The following UGT1A7 variants were observed in gnomAD, a reference collection of about 807,000 sequenced individuals.
The protein encoded by UGT1A7 is UDP glucuronosyltransferase family 1 member A7, also known as UDP-glucuronosyltransferase 1A7.
A neutral mutation model predicts 45.6 loss-of-function variants in UGT1A7; 33 were observed. That is an observed-to-expected ratio of 0.72 (90% CI 0.55 to 0.97). The LOEUF is 0.97. UGT1A7 is among the 50% of genes least tolerant of loss of function. The pLI is 0.00. For synonymous variants in UGT1A7, 274 were observed against 250.6 expected (o/e 1.09, Z -0.88); for missense variants, 684 against 666.2 (o/e 1.03, Z -0.29).
chr2:233,713,287 C>G (rs28946880), intron 1 of UGT1A7: 2 of 1,614,230 alleles, frequency 1.2e-6, no homozygotes, highest in Non-Finnish European at 1.7e-6. Flanking sequence ...CACACTCAAT[C>G]GTTCTTTGAA....
intron 1 of UGT1A7, among the ~76,000 whole-genome samples, chr2:233,699,961 C>T (rs767671450): frequency 6.6e-6 from 1 of 152,132 alleles, no homozygotes; most frequent in Non-Finnish European, 1.5e-5. Flanking sequence ...GTGAAAAATA[C>T]CCGTCCCCCA....
chr2:233,713,651 G>A (rs1051554487), intron 1 of UGT1A7: 2 of 1,613,832 alleles, frequency 1.2e-6, no homozygotes, highest in African/African-American at 1.3e-5. Flanking sequence ...CTCTGGCCCT[G>A]TCCTACCTTT....
In UGT1A7 at chr2:233,747,891, C is replaced by T. The variant is rs562741642; in HGVS notation, c.856-19143C>T. 6 of 1,613,060 alleles carry T rather than the reference C, an allele frequency of 3.7e-6. No homozygotes were observed. In the Admixed American group the frequency reaches 5.0e-5, roughly 13 times the overall value. On this transcript the variant is annotated intron_variant, in intron 1 of 4. Coordinates refer to ENST00000373426, the MANE Select transcript of UGT1A7 (RefSeq NM_019077.3). ...GGCCCTGTCCTACCTTTGCCATGCT[C>T]TTTCTGCTCCTTATGCAAGCCTTGC...
chr2:233,755,300 G>C (rs149465290), intron 1 of UGT1A7: 2 of 608,528 alleles, frequency 3.3e-6, no homozygotes, highest in African/African-American at 3.8e-5. Flanking sequence ...GCGGGGCACT[G>C]GCACAGCGAG....
chr2:233,719,175 A>C, intron 1 of UGT1A7: 7 of 1,614,246 alleles, frequency 4.3e-6, no homozygotes, highest in Non-Finnish European at 5.1e-6. Flanking sequence ...AATTATGAAC[A>C]ATGTATCTTT....
At chr2:233,742,758 T>A (rs1302155264) in intron 1 of UGT1A7, 3 of 153,094 alleles carry the variant, frequency 2.0e-5, no homozygotes, top group African/African-American at 7.3e-5. Context: ...AATATTAAGA[T>A]AATAAATGCA....
chr2:233,752,072 T>C (rs1694888603), intron 1 of UGT1A7, among the ~76,000 whole-genome samples: 1 of 152,194 alleles, frequency 6.6e-6, no homozygotes, highest in Non-Finnish European at 1.5e-5. Flanking sequence ...GATGGGGAAG[T>C]CTCTCTACCT....
chr2:233,757,111 A>C (rs13404099), intron 1 of UGT1A7, among the ~76,000 whole-genome samples: 1 of 151,320 alleles, frequency 6.6e-6, no homozygotes, highest in East Asian at 2.0e-4. Context: ...GGCAAGCAGA[A>C]GGGCTAGAGA....
At chr2:233,720,018 G>C (rs2076822730) in intron 1 of UGT1A7, among the ~76,000 whole-genome samples, 1 of 152,130 alleles carries the variant, frequency 6.6e-6, no homozygotes, top group Middle Eastern at 3.2e-3. Flanking sequence ...ATCCATCCTG[G>C]GGTTTTTGCT....
intron 1 of UGT1A7, among the ~76,000 whole-genome samples, chr2:233,746,718 T>C (rs1161016418): frequency 6.6e-6 from 1 of 151,822 alleles, no homozygotes; most frequent in Non-Finnish European, 1.5e-5. Flanking sequence ...ATAAGGGAAT[T>C]AGCAATGGAT....
chr2:233,755,062 C>G, intron 1 of UGT1A7: 1 of 1,335,450 alleles, frequency 7.5e-7, no homozygotes, highest in Middle Eastern at 2.1e-4. Flanking sequence ...GCCCTCGCCT[C>G]GCCATAGCGG....
At chr2:233,707,801 C>T (rs2075988257) in intron 1 of UGT1A7, among the ~76,000 whole-genome samples, 1 of 152,112 alleles carries the variant, frequency 6.6e-6, no homozygotes, top group African/African-American at 2.4e-5. Context: ...GGAGCTGCTG[C>T]GTTGGAGGGC....
At chr2:233,717,787 T>C (rs749121467) in intron 1 of UGT1A7, 7 of 456,322 alleles carry the variant, frequency 1.5e-5, no homozygotes, top group Admixed American at 2.3e-5. Context: ...ATTTTGAAAT[T>C]TGAAGTAGTG....
chr2:233,698,273 C>T (rs2075433306), intron 1 of UGT1A7, among the ~76,000 whole-genome samples: 1 of 152,068 alleles, frequency 6.6e-6, no homozygotes, highest in African/African-American at 2.4e-5. Flanking sequence ...CAAACCATTT[C>T]AACACTATGA....
intron 1 of UGT1A7, among the ~76,000 whole-genome samples, chr2:233,744,723 G>A (rs187577100): frequency 9.2e-5 from 14 of 151,876 alleles, no homozygotes; most frequent in Admixed American, 8.5e-4. Flanking sequence ...AGAGAATGAC[G>A]GTGAAAAAAT....
chr2:233,757,568 A>ATATATATATATATATATATATG, intron 1 of UGT1A7, among the ~76,000 whole-genome samples: 1 of 142,136 alleles, frequency 7.0e-6, no homozygotes, highest in Non-Finnish European at 1.5e-5. Context: ...ATATGTATAT[A>ATATATATATATATATATATATG]TGATATAGCT....
chr2:233,690,621 C>T, intron 1 of UGT1A7: 2 of 1,289,096 alleles, frequency 1.6e-6, no homozygotes, highest in Middle Eastern at 2.1e-4. Context: ...CCTGGACACT[C>T]AAGTGATACC....
chr2:233,754,785 C>T, intron 1 of UGT1A7: 1 of 1,177,776 alleles, frequency 8.5e-7, no homozygotes, highest in Non-Finnish European at 1.2e-6. Context: ...GCCAAAGGAA[C>T]GAAATCCTGT....
At chr2:233,709,179 T>C (rs1190184795) in intron 1 of UGT1A7, among the ~76,000 whole-genome samples, 1 of 152,148 alleles carries the variant, frequency 6.6e-6, no homozygotes, top group African/African-American at 2.4e-5. Context: ...TGTTCTATCC[T>C]GAGCTGGGAG....
Sources: gnomAD v4.1 joint callset for allele counts (sites outside exome capture counted in the v4.1 genomes callset) on GRCh38, gnomAD v4.1.1 for gene constraint, MANE v1.5 for transcripts, NCBI Gene and HGNC (gene_info 2026-07-23, HGNC 2026-07-21) for gene names.